The following DIP2C variants were observed in gnomAD, a reference collection of about 807,000 sequenced individuals.
The protein encoded by DIP2C is DIP2 acetate--CoA ligase C (putative), also known as disco-interacting protein 2 homolog C.
Under a neutral mutation model 192.4 loss-of-function variants are expected in DIP2C, and 33 were observed. The ratio of observed to expected loss-of-function variants is 0.17; its 90% confidence interval spans 0.13 to 0.23. The LOEUF (loss-of-function observed/expected upper bound fraction) is 0.23, where lower values mean the gene tolerates loss of function less well. Ranked by LOEUF, DIP2C falls within the 10% of genes least tolerant of loss-of-function variation. The pLI, the probability that DIP2C is intolerant of heterozygous loss-of-function variation, is 1.00. For missense variants in DIP2C, 1,537 were observed against 2,110.1 expected, an observed-to-expected ratio of 0.73 and a Z score of 5.32; for synonymous variants, 979 against 864.1, an observed-to-expected ratio of 1.13 and a Z score of -2.33.
chr10:519,149 A>C (rs907145652), intron 1 of DIP2C, among the ~76,000 whole-genome samples: 4 of 152,226 alleles, frequency 2.6e-5, no homozygotes, highest in African/African-American at 9.7e-5. Flanking sequence ...TCCTTGGCTC[A>C]GGTAACCCAG....
At chr10:360,460 G>A (rs557194509) in intron 22 of DIP2C, among the ~76,000 whole-genome samples, 3 of 152,244 alleles carry the variant, frequency 2.0e-5, no homozygotes, top group East Asian at 1.9e-4. Flanking sequence ...TCTGCAAGTC[G>A]GCAGCCGCAT....
At chr10:683,321 G>A (rs1185366290) in intron 1 of DIP2C, among the ~76,000 whole-genome samples, 1 of 152,174 alleles carries the variant, frequency 6.6e-6, no homozygotes, top group Admixed American at 6.5e-5. Context: ...ACAGCAGCCG[G>A]GTTTACCAAT....
In DIP2C at chr10:356,361, G is replaced by GCT. The variant is rs745686856; in HGVS notation, c.2985+63_2985+64dup. On this transcript the variant is annotated intron_variant, in intron 24 of 36. Transcript: ENST00000280886. ...AGGATTCAAAGAAAGAAGCAGGAGC[G>GCT]CTCCCAGGAACCAGGCTAGGCCCCT... 5 of 1,546,420 alleles carry GCT rather than the reference G, an allele frequency of 3.2e-6. No individual in the cohort carries two copies. The East Asian group carries it at 9.0e-5, about 28-fold the overall frequency.
At chr10:619,528 A>AGCCAGCCCGCCCGCCC (rs1491241366) in intron 1 of DIP2C, among the ~76,000 whole-genome samples, 4 of 129,714 alleles carry the variant, frequency 3.1e-5, no homozygotes, top group African/African-American at 3.3e-5. Flanking sequence ...GCCAGGACCA[A>AGCCAGCCCGCCCGCCC]GCCCGCCCGC....
At chr10:295,647 T>C (rs1489767804) in intron 32 of DIP2C, among the ~76,000 whole-genome samples, 1 of 96,052 alleles carries the variant, frequency 1.0e-5, no homozygotes, top group South Asian at 3.5e-4. Flanking sequence ...AGACAAAAAA[T>C]ATCAAATGCT....
chr10:326,957 CCCGGGAGCCACA>C (rs1957298644), intron 31 of DIP2C, 37 bp downstream of exon 31: 1 of 1,576,700 alleles, frequency 6.3e-7, no homozygotes, highest in East Asian at 2.2e-5. Context: ...CTGTACCCAC[CCCGGGAGCCACA>C]CTTCCCACTC....
chr10:553,768 T>C (rs1848700834), intron 1 of DIP2C, among the ~76,000 whole-genome samples: 1 of 151,160 alleles, frequency 6.6e-6, no homozygotes, highest in Admixed American at 6.6e-5. Context: ...GCAAGAAATA[T>C]ACCTCATAGG....
intron 29 of DIP2C, among the ~76,000 whole-genome samples, chr10:331,632 A>G (rs991970572): frequency 2.6e-5 from 4 of 152,378 alleles, no homozygotes; most frequent in African/African-American, 9.6e-5. Flanking sequence ...GAGGAAGTGC[A>G]TAGGTGATGT....
chr10:563,270 G>A (rs1490494427), intron 1 of DIP2C, among the ~76,000 whole-genome samples: 1 of 152,186 alleles, frequency 6.6e-6, no homozygotes, highest in African/African-American at 2.4e-5. Flanking sequence ...AGTCACAGAT[G>A]CAGACTTACA....
chr10:509,102 G>C (rs1048909325), intron 1 of DIP2C, among the ~76,000 whole-genome samples: 1 of 152,198 alleles, frequency 6.6e-6, no homozygotes, highest in African/African-American at 2.4e-5. Context: ...AAGATATCTA[G>C]TGGCATTTCC....
At chr10:450,527 A>G (rs538868758) in intron 3 of DIP2C, among the ~76,000 whole-genome samples, 92 of 152,320 alleles carry the variant, frequency 6.0e-4, no homozygotes, top group African/African-American at 2.2e-3. Flanking sequence ...TGAAAATAAA[A>G]AAGACTGTAT....
At chr10:619,466 G>A (rs531733726) in intron 1 of DIP2C, among the ~76,000 whole-genome samples, 16 of 146,308 alleles carry the variant, frequency 1.1e-4, no homozygotes, top group East Asian at 6.3e-4. Context: ...CAGCCCTGGC[G>A]GCTCCTCAAC....
chr10:588,413 A>G (rs1175023537), intron 1 of DIP2C, among the ~76,000 whole-genome samples: 4 of 152,236 alleles, frequency 2.6e-5, no homozygotes, highest in Admixed American at 1.3e-4. Context: ...GGGAGATTCC[A>G]TCTCCGGGGG....
rs928793273 is a variant in DIP2C, at chr10:276,088, G to A, written c.*1237C>T. ...CTTTTCGTAGCAAGGACCAAAAAAA[G>A]ATGACATTAACAAAAATGATGAAAA... On this transcript the variant is annotated 3_prime_UTR_variant, in exon 37 of 37. Transcript: ENST00000280886. The A allele has an allele frequency of 6.6e-6, 1 of 152,580 alleles. No individual in the cohort carries two copies. Among genetic ancestry groups the A allele is most frequent in the African/African-American group, 2.4e-5 (1 of 41,456 alleles). The allele number at this position is 152,580 out of a possible 1,614,324, so 9.5% of individuals were successfully genotyped here. A position where few individuals can be genotyped will look rare whatever the true frequency, so the allele number is the denominator to read the frequency against.
intron 1 of DIP2C, among the ~76,000 whole-genome samples, chr10:505,096 A>C (rs1262700425): frequency 6.6e-6 from 1 of 152,112 alleles, no homozygotes; most frequent in Non-Finnish European, 1.5e-5. Flanking sequence ...GCAGCCCAGC[A>C]CCCTTCCCGG....
chr10:414,825 A>AAT (rs1373675260), intron 7 of DIP2C, among the ~76,000 whole-genome samples: 6 of 128,432 alleles, frequency 4.7e-5, no homozygotes, highest in African/African-American at 8.9e-5. Context: ...AGGTTTGGGC[A>AAT]ATATATATAT....
intron 2 of DIP2C, among the ~76,000 whole-genome samples, chr10:483,582 G>A (rs1242045097): frequency 6.6e-6 from 1 of 152,178 alleles, no homozygotes; most frequent in East Asian, 1.9e-4. Context: ...TTTTCCTCAC[G>A]TTTCCGGCAG....
At chr10:647,102 G>A (rs1855494625) in intron 1 of DIP2C, among the ~76,000 whole-genome samples, 1 of 152,048 alleles carries the variant, frequency 6.6e-6, no homozygotes, top group Non-Finnish European at 1.5e-5. Context: ...GGAGAGAACA[G>A]AGGGAAACTG....
chr10:619,906 C>T (rs1350764338), intron 1 of DIP2C, among the ~76,000 whole-genome samples: 1 of 152,198 alleles, frequency 6.6e-6, no homozygotes, highest in Admixed American at 6.5e-5. Context: ...ACACCACTCA[C>T]GGCTCCATCA....
Sources: allele counts gnomAD v4.1 joint callset (sites outside exome capture counted in the v4.1 genomes callset), GRCh38; gene constraint gnomAD v4.1.1; transcripts MANE v1.5; gene names NCBI Gene and HGNC (gene_info 2026-07-23, HGNC 2026-07-21).